The following ZNF487 variants were observed in gnomAD, a reference collection of about 807,000 sequenced individuals.
ZNF487 encodes KRAB domain only 1.
Under a neutral mutation model 3.0 loss-of-function variants are expected in ZNF487, and 4 were observed. The ratio of observed to expected loss-of-function variants is 1.35; its 90% CI spans 0.66 to 3.08. The LOEUF (loss-of-function observed/expected upper bound fraction) is 3.08, where lower values mean the gene tolerates loss of function less well. Ranked by LOEUF, ZNF487 falls within the 30% of genes most tolerant of loss-of-function variation. ZNF487 has a pLI of 0.01. For synonymous variants in ZNF487, 55 were observed against 34.6 expected, an observed-to-expected ratio of 1.59 and a Z score of -2.06; for missense variants, 146 against 98.7, an observed-to-expected ratio of 1.48 and a Z score of -2.03.
chr10:43,475,939 AG>A, intron 2 of ZNF487, 92 bp downstream of exon 2: 1 of 657,230 alleles, frequency 1.5e-6, no homozygotes, highest in Non-Finnish European at 2.8e-6. Context: ...TATGAGTTAA[AG>A]GCTTGAGACT....
chr10:43,445,042 G>T (rs1363314325), intron 1 of ZNF487, among the ~76,000 whole-genome samples: 1 of 151,858 alleles, frequency 6.6e-6, no homozygotes. Context: ...TTTTTTTTCA[G>T]AAATGAACTT....
intron 1 of ZNF487, chr10:43,453,590 T>C (rs1403751795): frequency 6.6e-6 from 1 of 152,132 alleles, no homozygotes; most frequent in African/African-American, 2.4e-5. Flanking sequence ...ACAGTATATA[T>C]CACTGGAAGA....
chr10:43,461,378 G>A (rs1490768233), intron 1 of ZNF487, among the ~76,000 whole-genome samples: 1 of 151,668 alleles, frequency 6.6e-6, no homozygotes, highest in African/African-American at 2.4e-5. Flanking sequence ...GCGCAGTGGT[G>A]TGATGATCAT....
the ZNF487 span, among the ~76,000 whole-genome samples, chr10:43,519,469 GTTT>G: frequency 7.1e-6 from 1 of 140,194 alleles, no homozygotes; most frequent in Admixed American, 7.2e-5. Flanking sequence ...TAAAATGTAA[GTTT>G]TTTTTTTTTT....
chr10:43,494,765 C>CAAAGAAAA, the ZNF487 span, among the ~76,000 whole-genome samples: 1 of 35,776 alleles, frequency 2.8e-5, no homozygotes, highest in Non-Finnish European at 5.7e-5. Flanking sequence ...ACTAAAAATA[C>CAAAGAAAA]AAAAAAAAAA....
At chr10:43,518,692 A>G in the ZNF487 span, among the ~76,000 whole-genome samples, 1 of 152,206 alleles carries the variant, frequency 6.6e-6, no homozygotes, top group Non-Finnish European at 1.5e-5. Context: ...CATATCTATT[A>G]GATGGATGGA....
At chr10:43,443,366 G>GTTT (rs1326797006) in intron 1 of ZNF487, among the ~76,000 whole-genome samples, 15 of 144,816 alleles carry the variant, frequency 1.0e-4, no homozygotes, top group East Asian at 2.1e-4. Flanking sequence ...GCTGGGCCTA[G>GTTT]TTTTTGTTTT....
chr10:43,441,263 G>A (rs1014450306), intron 1 of ZNF487, among the ~76,000 whole-genome samples: 7 of 150,826 alleles, frequency 4.6e-5, no homozygotes, highest in Admixed American at 1.3e-4. Flanking sequence ...CACTGCACCA[G>A]ACCGCTTTGC....
chr10:43,460,385 T>C (rs1437420338), intron 1 of ZNF487, among the ~76,000 whole-genome samples: 1 of 147,492 alleles, frequency 6.8e-6, no homozygotes, highest in Non-Finnish European at 1.5e-5. Context: ...TCTTTCTTTT[T>C]TTTTTTTTTT....
rs190030504 is a variant in ZNF487 at position 43,449,258 on chromosome 10, C to T, written c.-94+11996C>T. Among the ~76,000 whole-genome samples the T allele has an allele frequency of 9.9e-5, 15 of 152,110 alleles. No homozygotes were observed. In the East Asian group the frequency reaches 2.7e-3, roughly 27 times the overall value. On this transcript the variant is annotated intron_variant, in intron 1 of 3. Coordinates refer to ENST00000437590, the MANE Select transcript of ZNF487 (RefSeq NM_001355444.3). ...AGGTTGCAGTGAGCCAAGATTGTGC[C>T]ACTGCACTCCAGCCTCAGCGACAGA...
At chr10:43,444,851 T>C (rs1451745922) in intron 1 of ZNF487, among the ~76,000 whole-genome samples, 1 of 152,146 alleles carries the variant, frequency 6.6e-6, no homozygotes, top group Non-Finnish European at 1.5e-5. Flanking sequence ...ATTACAGGTG[T>C]GAGCCACTGC....
At chr10:43,510,923 T>C in the ZNF487 span, among the ~76,000 whole-genome samples, 1 of 152,180 alleles carries the variant, frequency 6.6e-6, no homozygotes, top group Non-Finnish European at 1.5e-5. Flanking sequence ...TCCAGTTTAA[T>C]GGAATTGTTG....
chr10:43,510,395 G>A, the ZNF487 span, among the ~76,000 whole-genome samples: 1 of 152,096 alleles, frequency 6.6e-6, no homozygotes, highest in African/African-American at 2.4e-5. Flanking sequence ...GTTTCCCATT[G>A]ATCTAATTAC....
At chr10:43,487,136 ATTTTTTT>A (rs5784601), downstream of ZNF487, among the ~76,000 whole-genome samples, 1 of 120,652 alleles carries the variant, frequency 8.3e-6, no homozygotes. Context: ...GTCACTAAGA[ATTTTTTT>A]TTTTTTTTTT....
chr10:43,465,218 G>A (rs1158327415), intron 1 of ZNF487, among the ~76,000 whole-genome samples: 2 of 150,102 alleles, frequency 1.3e-5, no homozygotes, highest in Non-Finnish European at 3.0e-5. Flanking sequence ...CTCCTGGACG[G>A]GGCGGCTGGC....
intron 3 of ZNF487, among the ~76,000 whole-genome samples, chr10:43,476,910 A>G (rs1414469574): frequency 6.6e-6 from 1 of 152,224 alleles, no homozygotes; most frequent in Non-Finnish European, 1.5e-5. Context: ...GATTATGGGT[A>G]TAAGAAAAAG....
At chr10:43,480,345 A>G (rs1841304199) in intron 3 of ZNF487, among the ~76,000 whole-genome samples, 1 of 148,242 alleles carries the variant, frequency 6.7e-6, no homozygotes, top group African/African-American at 2.5e-5. Flanking sequence ...TGACCTCGTG[A>G]TCCACCCCCA....
At chr10:43,478,465 A>C (rs772691680) in intron 3 of ZNF487, among the ~76,000 whole-genome samples, 1 of 152,226 alleles carries the variant, frequency 6.6e-6, no homozygotes, top group Non-Finnish European at 1.5e-5. Context: ...AGGCAGGAGA[A>C]TCACTTGAAC....
chr10:43,518,291 G>T, the ZNF487 span, among the ~76,000 whole-genome samples: 5 of 152,240 alleles, frequency 3.3e-5, no homozygotes, highest in East Asian at 9.6e-4. Flanking sequence ...TCCCATCTAG[G>T]CCCCAAGCAG....
Sources: gnomAD v4.1 joint callset for allele counts (sites outside exome capture counted in the v4.1 genomes callset) on GRCh38, gnomAD v4.1.1 for gene constraint, MANE v1.5 for transcripts, NCBI Gene and HGNC (gene_info 2026-07-23, HGNC 2026-07-21) for gene names.